PACRG: variants seen among roughly 807,000 people sequenced by gnomAD.
The protein encoded by PACRG is parkin coregulated.
PACRG carries 29 observed loss-of-function variants against 29.7 expected under a neutral mutation model. The ratio of observed to expected loss-of-function variants is 0.98; its 90% CI spans 0.73 to 1.33. The LOEUF (loss-of-function observed/expected upper bound fraction) is 1.33, where lower values mean the gene tolerates loss of function less well. Among genes scored for constraint, PACRG ranks in the 40% most tolerant of loss-of-function variants. PACRG has a pLI of 0.00. For synonymous variants in PACRG, 116 were observed against 118.7 expected, an observed-to-expected ratio of 0.98 and a Z score of 0.15; for missense variants, 279 against 316.2, an observed-to-expected ratio of 0.88 and a Z score of 0.89.
chr6:162,814,092 G>T, intron 1 of PACRG, 55 bp from the exon 2 acceptor site: 1 of 1,498,848 alleles, frequency 6.7e-7, no homozygotes, highest in Non-Finnish European at 8.9e-7. Context: ...CTTTTATTAT[G>T]AATTTTTTTA....
intron 4 of PACRG, among the ~76,000 whole-genome samples, chr6:163,249,704 T>C (rs533350921): frequency 2.0e-5 from 3 of 152,118 alleles, no homozygotes; most frequent in Non-Finnish European, 4.4e-5. Flanking sequence ...GTTTCTGTGG[T>C]TTCCTGGCAG....
chr6:163,012,479 A>G lies in PACRG; in HGVS notation c.292-49671A>G, dbSNP rs1179261916. 2.6e-5 allele frequency among the ~76,000 whole-genome samples: 4 copies of G among 152,254 alleles called. No individual in the cohort carries two copies. In the East Asian group the frequency reaches 7.7e-4, roughly 29 times the overall value. ...AAATCAATATGGAAATTGACCACTA[A>G]TATATCCATAAGTGTATATACGATT... is the stretch of plus-strand genomic sequence containing the variant. On this transcript the variant is annotated intron_variant, in intron 2 of 4. Coordinates refer to ENST00000366888, the MANE Select transcript of PACRG (RefSeq NM_001080379.2).
intron 2 of PACRG, among the ~76,000 whole-genome samples, chr6:162,817,939 T>C (rs1299237795): frequency 6.6e-6 from 1 of 152,150 alleles, no homozygotes; most frequent in African/African-American, 2.4e-5. Context: ...TACTTATCAA[T>C]GGCAAGTTCA....
At chr6:163,243,441 T>G (rs568677917) in intron 4 of PACRG, among the ~76,000 whole-genome samples, 1 of 152,352 alleles carries the variant, frequency 6.6e-6, no homozygotes, top group East Asian at 1.9e-4. Flanking sequence ...ACAAGCTTCT[T>G]GGGGTTTTCA....
At chr6:162,975,010 CT>C (rs1801831065) in intron 2 of PACRG, among the ~76,000 whole-genome samples, 1 of 152,190 alleles carries the variant, frequency 6.6e-6, no homozygotes, top group Non-Finnish European at 1.5e-5. Context: ...CTCCATCTGA[CT>C]TTTCTGACTT....
intron 4 of PACRG, among the ~76,000 whole-genome samples, chr6:163,120,546 A>T (rs1426076485): frequency 6.6e-6 from 1 of 152,196 alleles, no homozygotes; most frequent in African/African-American, 2.4e-5. Context: ...GTTAATCCAC[A>T]GTTAGCCAAG....
chr6:163,124,922 T>A (rs557070797), intron 4 of PACRG, among the ~76,000 whole-genome samples: 42 of 152,350 alleles, frequency 2.8e-4, no homozygotes, highest in Non-Finnish European at 4.9e-4. Context: ...TCAAAATGTA[T>A]AATCTCATGA....
intron 4 of PACRG, among the ~76,000 whole-genome samples, chr6:163,132,120 T>A (rs2128329715): frequency 6.6e-6 from 1 of 152,346 alleles, no homozygotes; most frequent in Admixed American, 6.5e-5. Flanking sequence ...AATATGCTCA[T>A]GAAGTTAAAT....
chr6:163,253,264 C>CACT (rs1354861495), intron 4 of PACRG, among the ~76,000 whole-genome samples: 4 of 143,220 alleles, frequency 2.8e-5, no homozygotes, highest in Non-Finnish European at 6.0e-5. Flanking sequence ...CGCACCACTG[C>CACT]ACTCCAGCGT....
chr6:163,288,426 T>TC (rs1411322770), intron 4 of PACRG, among the ~76,000 whole-genome samples: 72 of 152,376 alleles, frequency 4.7e-4, no homozygotes, highest in African/African-American at 1.5e-3. Flanking sequence ...TTTCTTGGCC[T>TC]TGATTTCCTC....
chr6:163,251,662 T>A (rs1273096283), intron 4 of PACRG, among the ~76,000 whole-genome samples: 2 of 152,214 alleles, frequency 1.3e-5, no homozygotes, highest in Admixed American at 6.5e-5. Flanking sequence ...TGTATTGCGC[T>A]GCTCGGACCT....
chr6:163,249,844 G>A (rs1782835454), intron 4 of PACRG, among the ~76,000 whole-genome samples: 1 of 152,208 alleles, frequency 6.6e-6, no homozygotes, highest in African/African-American at 2.4e-5. Flanking sequence ...TTAAATTGGA[G>A]TGTCTTTTAT....
At chr6:162,943,261 G>C (rs1387577059) in intron 2 of PACRG, among the ~76,000 whole-genome samples, 1 of 152,112 alleles carries the variant, frequency 6.6e-6, no homozygotes. Context: ...GGGGACCCAT[G>C]GCCCCACATC....
intron 1 of PACRG, among the ~76,000 whole-genome samples, chr6:162,756,420 T>G (rs191924986): frequency 6.6e-6 from 1 of 152,212 alleles, no homozygotes; most frequent in South Asian, 2.1e-4. Context: ...TTAATAATTT[T>G]TTTTACTTAA....
At chr6:163,067,540 A>G (rs486979) in intron 3 of PACRG, among the ~76,000 whole-genome samples, 75,073 of 152,112 alleles carry the variant, frequency 0.49, 21,258 homozygotes, top group East Asian at 0.96. Context: ...GAAAGAAAAA[A>G]CACTTTCAGT....
At chr6:162,779,291 T>G (rs1193479982) in intron 1 of PACRG, among the ~76,000 whole-genome samples, 1 of 152,224 alleles carries the variant, frequency 6.6e-6, no homozygotes, top group East Asian at 1.9e-4. Flanking sequence ...TCAACGAGCA[T>G]TCGGGTTGAT....
At chr6:162,962,112 C>A (rs1332367060) in intron 2 of PACRG, among the ~76,000 whole-genome samples, 4 of 152,132 alleles carry the variant, frequency 2.6e-5, no homozygotes, top group Admixed American at 2.6e-4. Flanking sequence ...CTTCTCTGAA[C>A]CCTTTTCTGG....
At chr6:162,861,042 A>C (rs1256923303) in intron 2 of PACRG, among the ~76,000 whole-genome samples, 2 of 151,124 alleles carry the variant, frequency 1.3e-5, no homozygotes, top group African/African-American at 2.5e-5. Flanking sequence ...ATCGGGGAGA[A>C]AAACAATGGA....
chr6:162,998,175 A>G, intron 2 of PACRG, among the ~76,000 whole-genome samples: 1 of 152,146 alleles, frequency 6.6e-6, no homozygotes. Flanking sequence ...CATTATTGCA[A>G]CCTCCCACCC....
Sources: gnomAD v4.1 joint callset for allele counts (sites outside exome capture counted in the v4.1 genomes callset) on GRCh38, gnomAD v4.1.1 for gene constraint, MANE v1.5 for transcripts, NCBI Gene and HGNC (gene_info 2026-07-23, HGNC 2026-07-21) for gene names.